The following FSIP1 variants were observed in gnomAD, a reference collection of about 807,000 sequenced individuals.
FSIP1 encodes the protein fibrous sheath-interacting protein 1.
A neutral mutation model predicts 60.9 loss-of-function variants in FSIP1; 65 were observed. The ratio of observed to expected loss-of-function variants is 1.07; its 90% CI spans 0.87 to 1.31. The LOEUF (loss-of-function observed/expected upper bound fraction) is 1.31, where lower values mean the gene tolerates loss of function less well. Among genes scored for constraint, FSIP1 ranks in the 40% most tolerant of loss-of-function variants. FSIP1 has a pLI of 0.00. For missense variants in FSIP1, 675 were observed against 665.5 expected, an observed-to-expected ratio of 1.01 and a Z score of -0.16; for synonymous variants, 209 against 221.2, an observed-to-expected ratio of 0.94 and a Z score of 0.49.
intron 3 of FSIP1, among the ~76,000 whole-genome samples, chr15:39,769,627 T>C (rs1044687114): frequency 6.6e-6 from 1 of 152,194 alleles, no homozygotes; most frequent in African/African-American, 2.4e-5. Context: ...ATACTTCCCA[T>C]TTTTCCCCAC....
intron 3 of FSIP1, among the ~76,000 whole-genome samples, chr15:39,769,046 G>A (rs867303349): frequency 1.3e-4 from 20 of 152,242 alleles, no homozygotes; most frequent in African/African-American, 2.2e-4. Flanking sequence ...TTGGGAGGCC[G>A]AGGCGGGCAG....
At chr15:39,612,252 C>T (rs1004584274) in intron 11 of FSIP1, among the ~76,000 whole-genome samples, 2 of 152,104 alleles carry the variant, frequency 1.3e-5, no homozygotes, top group African/African-American at 4.8e-5. Flanking sequence ...GGATAGGCCA[C>T]AAAACAAGTC....
chr15:39,674,111 G>C (rs1013494121), intron 10 of FSIP1, among the ~76,000 whole-genome samples: 1 of 151,248 alleles, frequency 6.6e-6, no homozygotes, highest in Non-Finnish European at 1.5e-5. Flanking sequence ...CTGGAGTGCA[G>C]TGGCGCGATC....
chr15:39,689,598 A>G (rs1894515708), intron 10 of FSIP1, among the ~76,000 whole-genome samples: 1 of 152,208 alleles, frequency 6.6e-6, no homozygotes, highest in African/African-American at 2.4e-5. Context: ...ACCAACTATT[A>G]TAACAAAAGT....
At chr15:39,734,232 T>C (rs917238719) in intron 8 of FSIP1, among the ~76,000 whole-genome samples, 9 of 152,182 alleles carry the variant, frequency 5.9e-5, no homozygotes, top group African/African-American at 1.2e-4. Flanking sequence ...AAATAAATAT[T>C]TGAATACACA....
intron 10 of FSIP1, among the ~76,000 whole-genome samples, chr15:39,618,610 G>A (rs1188036023): frequency 6.6e-6 from 1 of 152,194 alleles, no homozygotes; most frequent in Non-Finnish European, 1.5e-5. Context: ...AAGGAAGGGT[G>A]AAGGGTGGTG....
chr15:39,636,588 T>C (rs1209446869), intron 10 of FSIP1, among the ~76,000 whole-genome samples: 1 of 152,186 alleles, frequency 6.6e-6, no homozygotes, highest in Non-Finnish European at 1.5e-5. Context: ...CAAGGGTGGA[T>C]TGATGGACTT....
chr15:39,617,356 C>T (rs1891269602), intron 11 of FSIP1, among the ~76,000 whole-genome samples: 1 of 152,150 alleles, frequency 6.6e-6, no homozygotes, highest in Non-Finnish European at 1.5e-5. Context: ...ACAAGTTTTA[C>T]ATTTTAAATT....
At chr15:39,617,581 T>C (rs958295538) in intron 11 of FSIP1, among the ~76,000 whole-genome samples, 154 bp downstream of exon 11, 1 of 152,222 alleles carries the variant, frequency 6.6e-6, no homozygotes, top group Non-Finnish European at 1.5e-5. Context: ...CATAAGAGCA[T>C]TGGGAAATAG....
At position 39,776,402 on chromosome 15, in the gene FSIP1, G is replaced by A. The variant is rs2140734683; in HGVS notation, c.123C>T (p.Phe41=). Residue 41 remains phenylalanine (F), a synonymous_variant, in exon 2 of 12, where the codon TTC becomes TTT. Coordinates refer to ENST00000350221, the MANE Select transcript of FSIP1 (RefSeq NM_152597.5). ...LEVLSTEPGS[F]KVDTASNLNS... ...ATCTTTTCTAAACGTAAATTACCTT[G>A]AAGGATCCTGGTTCTGTTGAGAGCA... 6.2e-7 allele frequency: 1 copy of A among 1,612,222 alleles called. No homozygotes were observed. Among genetic ancestry groups the A allele is most frequent in the Non-Finnish European group, 8.5e-7 (1 of 1,179,408 alleles).
At chr15:39,750,381 T>G (rs1897127640) in intron 5 of FSIP1, among the ~76,000 whole-genome samples, 1 of 151,934 alleles carries the variant, frequency 6.6e-6, no homozygotes. Context: ...CACAGAAAGG[T>G]GATCAAATTA....
chr15:39,677,553 C>T (rs1893990774), intron 10 of FSIP1, among the ~76,000 whole-genome samples: 1 of 151,940 alleles, frequency 6.6e-6, no homozygotes, highest in African/African-American at 2.4e-5. Flanking sequence ...GTATTTCTAC[C>T]CCTAGGAATT....
intron 9 of FSIP1, among the ~76,000 whole-genome samples, chr15:39,716,553 A>G (rs1895745252): frequency 6.6e-6 from 1 of 152,220 alleles, no homozygotes; most frequent in Non-Finnish European, 1.5e-5. Context: ...ATGACAATCA[A>G]ATTCTATAAA....
At chr15:39,607,086 C>A (rs1335907176) in intron 11 of FSIP1, among the ~76,000 whole-genome samples, 1 of 152,118 alleles carries the variant, frequency 6.6e-6, no homozygotes, top group Admixed American at 6.5e-5. Context: ...CACTTCACAC[C>A]CTCCACACTG....
intron 10 of FSIP1, among the ~76,000 whole-genome samples, chr15:39,642,441 G>A (rs571528827): frequency 1.3e-5 from 2 of 152,270 alleles, no homozygotes; most frequent in African/African-American, 4.8e-5. Flanking sequence ...TCACAGACTT[G>A]GGGGCGGCTC....
rs372253644 is a variant in FSIP1 at position 39,726,713 on chromosome 15, C to G, written c.926G>C (p.Gly309Ala). ...DQSGWVVPVK[G>A]YELAVTQHQQ... is the part of the protein sequence containing the mutation. ...ATGCTGGGTGACTGCAAGTTCATAT[C>G]CTTTTACTGGGACCACCCAGCCAGA... Residue 309 changes from glycine to alanine, a missense_variant, in exon 9 of 12, where the codon GGA becomes GCA. Coordinates refer to ENST00000350221, the MANE Select transcript of FSIP1 (RefSeq NM_152597.5). The G allele has an allele frequency of 3.3e-5, 54 of 1,613,942 alleles. No individual in the cohort carries two copies. The highest frequency in any genetic ancestry group is 1.2e-4 in the Admixed American group (7 of 59,996).
At chr15:39,701,588 G>A (rs1461734374) in intron 10 of FSIP1, among the ~76,000 whole-genome samples, 1 of 152,094 alleles carries the variant, frequency 6.6e-6, no homozygotes, top group Admixed American at 6.5e-5. Flanking sequence ...ATCAAGGAAG[G>A]TCTAACTCCA....
intron 8 of FSIP1, 152 bp downstream of exon 8, chr15:39,737,939 T>C (rs1312528028): frequency 1.9e-6 from 1 of 538,142 alleles, no homozygotes; most frequent in Admixed American, 3.5e-5. Flanking sequence ...TTGTTATCTG[T>C]TCCTGTGTTA....
chr15:39,698,138 A>G (rs1344159152), intron 10 of FSIP1, among the ~76,000 whole-genome samples: 3 of 150,292 alleles, frequency 2.0e-5, no homozygotes, highest in Non-Finnish European at 4.4e-5. Flanking sequence ...GATGTGTTGA[A>G]AGTGTACAAA....
Sources: allele counts gnomAD v4.1 joint callset (sites outside exome capture counted in the v4.1 genomes callset), GRCh38; gene constraint gnomAD v4.1.1; transcripts MANE v1.5; gene names NCBI Gene and HGNC (gene_info 2026-07-23, HGNC 2026-07-21).